The following PCLO variants were observed in gnomAD, a reference collection of about 807,000 sequenced individuals.
PCLO encodes the protein protein piccolo.
A neutral mutation model predicts 427.5 loss-of-function variants in PCLO; 82 were observed. The ratio of observed to expected loss-of-function variants is 0.19; its 90% confidence interval spans 0.16 to 0.23. PCLO has a LOEUF of 0.23. Among genes scored for constraint, PCLO ranks in the 10% least tolerant of loss-of-function variants. PCLO has a pLI of 1.00. For missense variants in PCLO, 6,239 were observed against 6,115.9 expected (o/e 1.02, Z -0.67); for synonymous variants, 2,357 against 2,155.4 (o/e 1.09, Z -2.59).
At chr7:82,822,021 C>A (rs1313486935) in intron 20 of PCLO, 1 of 989,358 alleles carries the variant, frequency 1.0e-6, no homozygotes, top group Non-Finnish European at 1.2e-6. Flanking sequence ...GCATTATCTT[C>A]TGCCTAGACT....
At chr7:83,046,961 TA>T (rs1789119048) in intron 3 of PCLO, among the ~76,000 whole-genome samples, 1 of 151,914 alleles carries the variant, frequency 6.6e-6, no homozygotes, top group Non-Finnish European at 1.5e-5. Context: ...CACTAAAGGA[TA>T]AAAATAGCTA....
At chr7:82,783,324 A>C (rs1790913597) in intron 22 of PCLO, among the ~76,000 whole-genome samples, 1 of 152,118 alleles carries the variant, frequency 6.6e-6, no homozygotes, top group Admixed American at 6.5e-5. Context: ...TAAAAATTGC[A>C]CCCTAGAGGG....
chr7:82,919,954 T>C (rs1047248297), intron 6 of PCLO, among the ~76,000 whole-genome samples: 12 of 152,048 alleles, frequency 7.9e-5, no homozygotes, highest in African/African-American at 2.9e-4. Flanking sequence ...GATTTAAATT[T>C]AAGCATGTGT....
chr7:83,148,512 T>C (rs1792050362), intron 2 of PCLO, among the ~76,000 whole-genome samples: 2 of 152,188 alleles, frequency 1.3e-5, no homozygotes, highest in Non-Finnish European at 1.5e-5. Flanking sequence ...AGTAAGTAAA[T>C]ACTTTTTTTT....
intron 20 of PCLO, among the ~76,000 whole-genome samples, chr7:82,808,708 T>C (rs1175057726): frequency 3.9e-5 from 6 of 152,076 alleles, no homozygotes; most frequent in East Asian, 3.9e-4. Flanking sequence ...AGGTTCTGTC[T>C]ATGGAAATTT....
intron 3 of PCLO, among the ~76,000 whole-genome samples, chr7:83,111,364 T>C (rs1044852582): frequency 6.6e-6 from 1 of 152,208 alleles, no homozygotes; most frequent in African/African-American, 2.4e-5. Context: ...TACTAATCAG[T>C]TGACTTTCCA....
At chr7:82,812,131 A>G (rs1791585395) in intron 20 of PCLO, among the ~76,000 whole-genome samples, 1 of 151,454 alleles carries the variant, frequency 6.6e-6, no homozygotes, top group Non-Finnish European at 1.5e-5. Context: ...AATCTCGTAT[A>G]TTCACAGTTT....
In PCLO at chr7:82,902,884, A is replaced by T. The variant is rs1314097149; in HGVS notation, c.13438-143T>A. On this transcript the variant is annotated intron_variant, in intron 8 of 24. Transcript: ENST00000333891. ...AGATTCTCACATGATGGCAATTTAA[A>T]CATCTTACACTAACACTATATAATG... 6 of 583,164 alleles carry T rather than the reference A, an allele frequency of 1.0e-5. No homozygotes were observed. The Admixed American group carries it at 1.5e-4, about 14-fold the overall frequency. The allele number at this position is 583,164 out of a possible 1,614,324, so 36.1% of individuals were successfully genotyped here.
chr7:83,112,117 G>T (rs886619179), intron 3 of PCLO, among the ~76,000 whole-genome samples: 1 of 152,096 alleles, frequency 6.6e-6, no homozygotes, highest in African/African-American at 2.4e-5. Context: ...GAGTGCAGTG[G>T]CACGATCTTG....
chr7:82,922,041 C>T (rs1021808718), intron 6 of PCLO, among the ~76,000 whole-genome samples: 1 of 151,960 alleles, frequency 6.6e-6, no homozygotes, highest in African/African-American at 2.4e-5. Context: ...CCATCCTACA[C>T]CAGTCAGAAT....
rs1464115424 is a variant in PCLO, at chr7:83,152,252, C to A, written c.1893+2496G>T. ...GTGCTGGGATTACAGGCATGAGCCA[C>A]CACGCCCGGCCCAAAGTTACTTTTT... On this transcript the variant is annotated intron_variant, in intron 2 of 24. Transcript: ENST00000333891. Among the ~76,000 whole-genome samples the A allele has an allele frequency of 5.9e-4, 90 of 152,250 alleles. 2 individuals carry two copies. The highest frequency in any genetic ancestry group is 5.8e-3 in the Admixed American group (88 of 15,292).
At chr7:83,030,306 C>T (rs1788634125) in intron 3 of PCLO, among the ~76,000 whole-genome samples, 1 of 152,026 alleles carries the variant, frequency 6.6e-6, no homozygotes, top group Admixed American at 6.6e-5. Context: ...TAAAAAAACT[C>T]TACAGGGGAT....
intron 3 of PCLO, among the ~76,000 whole-genome samples, chr7:83,022,136 T>C (rs1019178617): frequency 1.6e-4 from 24 of 151,934 alleles, no homozygotes; most frequent in African/African-American, 5.6e-4. Context: ...TTAGTGCCCA[T>C]ATGAAAGAGG....
chr7:82,926,589 C>T (rs1794717512), intron 6 of PCLO, among the ~76,000 whole-genome samples: 1 of 152,162 alleles, frequency 6.6e-6, no homozygotes, highest in Admixed American at 6.6e-5. Context: ...TTTTATCAGA[C>T]ATCTCTAAGC....
rs370688882 is a variant in PCLO at position 82,966,373 on chromosome 7, C to A, written c.3415G>T (p.Val1139Phe). The A allele has an allele frequency of 5.5e-5, 89 of 1,613,762 alleles. No homozygotes were observed. Among genetic ancestry groups the A allele is most frequent in the Non-Finnish European group, 6.8e-5 (80 of 1,179,794 alleles). The change falls in exon 4 of 25, where the codon GTT (valine) becomes TTT (phenylalanine). Residue 1139 changes from valine (V) to phenylalanine (F), a missense_variant. Transcript: ENST00000333891. ...TTCTGAGATGATGATTCTGTAGGAACAGGCATAGGAGATGCTTTGGGTCCT... is the reference window on the plus strand; with the variant it reads ...TTCTGAGATGATGATTCTGTAGGAAAAGGCATAGGAGATGCTTTGGGTCCT... ...PSGPKASPMP[V>F]PTESSSQKTA...
intron 3 of PCLO, among the ~76,000 whole-genome samples, chr7:83,003,600 G>T (rs770845221): frequency 6.6e-6 from 1 of 151,812 alleles, no homozygotes; most frequent in Non-Finnish European, 1.5e-5. Context: ...CATCCGTTGA[G>T]ATGATAGGAT....
intron 10 of PCLO, among the ~76,000 whole-genome samples, chr7:82,869,441 T>C (rs1562828016): frequency 6.6e-6 from 1 of 152,084 alleles, no homozygotes; most frequent in South Asian, 2.1e-4. Flanking sequence ...TCAATGAAAT[T>C]ACTATCAAAT....
intron 4 of PCLO, among the ~76,000 whole-genome samples, chr7:82,959,412 GT>G (rs1795605965): frequency 1.3e-5 from 2 of 152,100 alleles, no homozygotes; most frequent in African/African-American, 4.8e-5. Context: ...ATGTAACAAT[GT>G]CATAAAATAT....
At chr7:83,031,749 T>C (rs193985) in intron 3 of PCLO, among the ~76,000 whole-genome samples, 34,280 of 148,320 alleles carry the variant, frequency 0.23, 4,705 homozygotes, top group Middle Eastern at 0.36. Context: ...CCCCTCCCTC[T>C]CTCTCTCTCA....
Sources: gnomAD v4.1 joint callset for allele counts (sites outside exome capture counted in the v4.1 genomes callset) on GRCh38, gnomAD v4.1.1 for gene constraint, MANE v1.5 for transcripts, NCBI Gene and HGNC (gene_info 2026-07-23, HGNC 2026-07-21) for gene names.